The following PCDH9 variants were observed in gnomAD, a reference collection of about 807,000 sequenced individuals.
The protein encoded by PCDH9 is protocadherin 9, also known as protocadherin-9.
PCDH9 carries 24 observed loss-of-function variants against 70.6 expected under a neutral mutation model. The ratio of observed to expected loss-of-function variants is 0.34; its 90% CI spans 0.25 to 0.48. PCDH9 has a LOEUF of 0.48. PCDH9 is among the 20% of genes least tolerant of loss of function. The pLI, the probability that PCDH9 is intolerant of heterozygous loss-of-function variation, is 0.99. For synonymous variants in PCDH9, 562 were observed against 558.5 expected (o/e 1.01, Z -0.09); for missense variants, 1,281 against 1,503.6 (o/e 0.85, Z 2.45).
intron 4 of PCDH9, among the ~76,000 whole-genome samples, chr13:66,533,862 C>T (rs973226770): frequency 1.3e-4 from 20 of 152,090 alleles, no homozygotes; most frequent in Non-Finnish European, 2.5e-4. Context: ...ACATTGAACT[C>T]CCAAAGGCAG....
At chr13:66,358,914 C>T (rs960037241) in intron 4 of PCDH9, among the ~76,000 whole-genome samples, 2 of 151,928 alleles carry the variant, frequency 1.3e-5, no homozygotes, top group African/African-American at 2.4e-5. Context: ...CAAAGCTTCC[C>T]TCCCACTGCT....
chr13:66,902,848 T>C lies in PCDH9; in HGVS notation c.3138+656A>G, dbSNP rs986660714. Among the ~76,000 whole-genome samples the C allele has an allele frequency of 2.6e-5, 4 of 151,764 alleles. No individual in the cohort carries two copies. In the East Asian group the frequency reaches 7.7e-4, roughly 29 times the overall value. On this transcript the variant is annotated intron_variant, in intron 3 of 4. Transcript: ENST00000377865. ...AAATACATGAAAGATAGTAGATTTC[T>C]ATACCCAGCCATACTGGAATAATTG...
At chr13:67,133,405 T>C (rs2087154076) in intron 2 of PCDH9, among the ~76,000 whole-genome samples, 1 of 152,106 alleles carries the variant, frequency 6.6e-6, no homozygotes, top group Admixed American at 6.6e-5. Flanking sequence ...ATTTCATATG[T>C]CTGGATGCAT....
chr13:66,567,697 T>G (rs1338910303), intron 4 of PCDH9, among the ~76,000 whole-genome samples: 2 of 152,206 alleles, frequency 1.3e-5, no homozygotes, highest in Non-Finnish European at 2.9e-5. Flanking sequence ...CAGAAAGTTT[T>G]CTTTCAAATT....
chr13:66,905,073 T>C (rs1333663128), intron 2 of PCDH9, among the ~76,000 whole-genome samples: 1 of 152,104 alleles, frequency 6.6e-6, no homozygotes, highest in Non-Finnish European at 1.5e-5. Flanking sequence ...CTTTCATGTG[T>C]AATTTGTAAA....
At chr13:66,424,837 T>C (rs1957640696) in intron 4 of PCDH9, among the ~76,000 whole-genome samples, 1 of 151,948 alleles carries the variant, frequency 6.6e-6, no homozygotes, top group African/African-American at 2.4e-5. Context: ...CTACATATTA[T>C]CTTTTGAATG....
chr13:66,408,088 G>A (rs2138314765), intron 4 of PCDH9, among the ~76,000 whole-genome samples: 2 of 130,962 alleles, frequency 1.5e-5, no homozygotes, highest in East Asian at 4.6e-4. Context: ...GTCTCGCTCT[G>A]TCGCCCAGGC....
At chr13:66,984,865 A>T (rs1566341299) in intron 2 of PCDH9, among the ~76,000 whole-genome samples, 2 of 152,000 alleles carry the variant, frequency 1.3e-5, no homozygotes, top group Admixed American at 6.6e-5. Flanking sequence ...AATTTCCTAT[A>T]TGGTTTTCTA....
At chr13:66,355,793 A>G (rs1393089101) in intron 4 of PCDH9, among the ~76,000 whole-genome samples, 1 of 152,152 alleles carries the variant, frequency 6.6e-6, no homozygotes, top group East Asian at 1.9e-4. Flanking sequence ...GAAATGATTC[A>G]GTATTGGCTA....
At chr13:66,884,054 C>T (rs1215898969) in intron 3 of PCDH9, among the ~76,000 whole-genome samples, 1 of 151,758 alleles carries the variant, frequency 6.6e-6, no homozygotes, top group Non-Finnish European at 1.5e-5. Flanking sequence ...AGGCACACAC[C>T]CTGCCCAGTT....
chr13:66,665,861 GA>G (rs986844657), intron 3 of PCDH9, among the ~76,000 whole-genome samples: 87 of 151,958 alleles, frequency 5.7e-4, no homozygotes, highest in African/African-American at 2.1e-3. Flanking sequence ...ATTAGGGTAG[GA>G]AATTATTCTC....
intron 2 of PCDH9, chr13:67,201,490 T>G (rs1434165113): frequency 1.3e-5 from 2 of 151,990 alleles, no homozygotes; most frequent in Non-Finnish European, 2.9e-5. Flanking sequence ...CCATTCAACT[T>G]AAATCATTTA....
At chr13:66,435,593 C>G (rs422897) in intron 4 of PCDH9, among the ~76,000 whole-genome samples, 5,772 of 152,146 alleles carry the variant, frequency 0.038, 345 homozygotes, top group African/African-American at 0.13. Context: ...CATTCACATG[C>G]TAAGGCTTTA....
At chr13:67,142,301 C>T (rs1306051139) in intron 2 of PCDH9, among the ~76,000 whole-genome samples, 1 of 152,110 alleles carries the variant, frequency 6.6e-6, no homozygotes. Context: ...TAGTGAAGAT[C>T]TTACATTGAT....
At chr13:66,830,234 C>G (rs994819021) in intron 3 of PCDH9, among the ~76,000 whole-genome samples, 1 of 152,090 alleles carries the variant, frequency 6.6e-6, no homozygotes, top group South Asian at 2.1e-4. Context: ...GAAATGAACA[C>G]TAGCTGATTA....
chr13:66,491,385 T>TGGTGTGTGTGTG (rs1555299289), intron 4 of PCDH9, among the ~76,000 whole-genome samples: 1 of 136,030 alleles, frequency 7.4e-6, no homozygotes, highest in Non-Finnish European at 1.6e-5. Context: ...GCAGGAGATA[T>TGGTGTGTGTGTG]TGTGTGTGTG....
intron 2 of PCDH9, among the ~76,000 whole-genome samples, chr13:67,139,740 G>A (rs1014891556): frequency 1.8e-4 from 28 of 152,102 alleles, no homozygotes; most frequent in African/African-American, 2.9e-4. Flanking sequence ...ACCATAGCAC[G>A]ACATCTGCTC....
chr13:66,844,835 G>A (rs2081178672), intron 3 of PCDH9, among the ~76,000 whole-genome samples: 1 of 152,064 alleles, frequency 6.6e-6, no homozygotes, highest in Non-Finnish European at 1.5e-5. Context: ...TAGGTAGCAC[G>A]TTCATACTCT....
intron 3 of PCDH9, among the ~76,000 whole-genome samples, chr13:66,847,537 T>C (rs967018441): frequency 1.3e-5 from 2 of 152,198 alleles, no homozygotes; most frequent in African/African-American, 4.8e-5. Flanking sequence ...ATTTCACAAA[T>C]AGAAGATTCA....
Sources: allele counts gnomAD v4.1 joint callset (sites outside exome capture counted in the v4.1 genomes callset), GRCh38; gene constraint gnomAD v4.1.1; transcripts MANE v1.5; gene names NCBI Gene and HGNC (gene_info 2026-07-23, HGNC 2026-07-21).